PRTG: variants seen among roughly 807,000 people sequenced by gnomAD.
PRTG encodes the protein immunoglobulin superfamily, DCC subclass, member 5.
A neutral mutation model predicts 122.5 loss-of-function variants in PRTG; 67 were observed. That is an observed-to-expected ratio of 0.55 (90% CI 0.45 to 0.67). The LOEUF (loss-of-function observed/expected upper bound fraction) is 0.67. PRTG is among the 30% of genes least tolerant of loss of function. The pLI, the probability that PRTG is intolerant of heterozygous loss-of-function variation, is 0.00. For synonymous variants in PRTG, 554 were observed against 501.1 expected, an observed-to-expected ratio of 1.11 and a Z score of -1.41; for missense variants, 1,435 against 1,415.4, an observed-to-expected ratio of 1.01 and a Z score of -0.22.
At chr15:55,696,658 G>C (rs544960079) in intron 2 of PRTG, among the ~76,000 whole-genome samples, 1 of 152,276 alleles carries the variant, frequency 6.6e-6, no homozygotes, top group South Asian at 2.1e-4. Context: ...AAAATCATCT[G>C]CTTAATAAAA....
chr15:55,711,421 A>G (rs1424988890), intron 2 of PRTG, among the ~76,000 whole-genome samples: 1 of 152,084 alleles, frequency 6.6e-6, no homozygotes, highest in Non-Finnish European at 1.5e-5. Flanking sequence ...AAACCAATGT[A>G]ATTTTGCAGT....
rs374791424 is a variant in PRTG, at chr15:55,645,433, CAAA to C, written c.2042-4228_2042-4226del. Among the ~76,000 whole-genome samples the C allele has an allele frequency of 6.3e-4, 12 of 18,946 alleles. 1 individual carries two copies. Among genetic ancestry groups the C allele is most frequent in the Non-Finnish European group, 1.6e-3 (11 of 6,930 alleles). 12.4% of individuals were successfully genotyped at this position (18,946 alleles called of 152,430 possible). ...TGGGCGACAGAGCGAAACTCCGTCT[CAAA>C]AAAAAAAAAAAAAAGAGTGGAAGGA... On this transcript the variant is annotated intron_variant, in intron 11 of 19. Coordinates refer to ENST00000389286, the MANE Select transcript of PRTG (RefSeq NM_173814.6).
chr15:55,741,115 G>A (rs1223244796), intron 1 of PRTG, among the ~76,000 whole-genome samples: 1 of 152,192 alleles, frequency 6.6e-6, no homozygotes, highest in Non-Finnish European at 1.5e-5. Context: ...TTATTTCCTT[G>A]TCCCTTGAAG....
intron 2 of PRTG, among the ~76,000 whole-genome samples, chr15:55,715,877 A>G (rs534450689): frequency 6.6e-6 from 1 of 152,348 alleles, no homozygotes; most frequent in African/African-American, 2.4e-5. Flanking sequence ...ACATTTGGAT[A>G]AACAATCCAT....
intron 2 of PRTG, among the ~76,000 whole-genome samples, chr15:55,694,034 A>T (rs915358500): frequency 6.6e-6 from 1 of 152,238 alleles, no homozygotes; most frequent in Non-Finnish European, 1.5e-5. Context: ...ATAAAGGTAT[A>T]TAAACTACAG....
At chr15:55,699,568 T>C (rs946748542) in intron 2 of PRTG, among the ~76,000 whole-genome samples, 1 of 152,230 alleles carries the variant, frequency 6.6e-6, no homozygotes, top group Non-Finnish European at 1.5e-5. Flanking sequence ...AATTCTCTTA[T>C]ATTATTTTCA....
Position 55,615,843 on chromosome 15 carries a change from AATG to A in PRTG, c.*4166_*4168del, listed in dbSNP as rs1209026580. On this transcript the variant is annotated 3_prime_UTR_variant, in exon 20 of 20. Coordinates refer to ENST00000389286, the MANE Select transcript of PRTG (RefSeq NM_173814.6). ...CTGGGTATTCTTGCATTAAAAAATA[AATG>A]ATATTTTCAATTCCAAATTCTTGTG... 2 of 152,126 alleles carry A rather than the reference AATG, an allele frequency of 1.3e-5. No homozygotes were observed. The highest frequency in any genetic ancestry group is 4.8e-5 in the African/African-American group (2 of 41,450). The allele number at this position is 152,126 out of a possible 1,614,324, so 9.4% of individuals were successfully genotyped here.
At chr15:55,648,870 G>A (rs1161815864) in intron 11 of PRTG, among the ~76,000 whole-genome samples, 2 of 151,844 alleles carry the variant, frequency 1.3e-5, no homozygotes, top group Non-Finnish European at 2.9e-5. Flanking sequence ...AGGCCAAGGC[G>A]GGCGGATTAT....
chr15:55,626,044 C>T (rs950527031), intron 17 of PRTG, among the ~76,000 whole-genome samples: 1 of 152,178 alleles, frequency 6.6e-6, no homozygotes, highest in African/African-American at 2.4e-5. Flanking sequence ...TGTGATACCA[C>T]CATGCCTGCA....
intron 15 of PRTG, among the ~76,000 whole-genome samples, chr15:55,635,112 G>A (rs985316115): frequency 1.4e-5 from 1 of 69,198 alleles, no homozygotes; most frequent in Non-Finnish European, 3.7e-5. Flanking sequence ...TGTTTTTTGA[G>A]ACAGAGTCTC....
chr15:55,674,852 T>C (rs961830826), intron 9 of PRTG, among the ~76,000 whole-genome samples: 2 of 152,146 alleles, frequency 1.3e-5, no homozygotes, highest in African/African-American at 2.4e-5. Context: ...AAAGGTCTTC[T>C]AGAGACTCTG....
At chr15:55,652,832 G>C (rs916830009) in intron 11 of PRTG, among the ~76,000 whole-genome samples, 1 of 152,086 alleles carries the variant, frequency 6.6e-6, no homozygotes, top group East Asian at 1.9e-4. Context: ...ACCGAGATGA[G>C]GGGAGCAGAT....
chr15:55,623,485 C>T (rs1372387918), intron 18 of PRTG, among the ~76,000 whole-genome samples: 3 of 152,000 alleles, frequency 2.0e-5, no homozygotes, highest in Admixed American at 6.6e-5. Flanking sequence ...GAGAATCGCT[C>T]GAACCGGGAG....
At chr15:55,717,379 C>G (rs2030638412) in intron 2 of PRTG, among the ~76,000 whole-genome samples, 1 of 152,166 alleles carries the variant, frequency 6.6e-6, no homozygotes, top group Non-Finnish European at 1.5e-5. Context: ...AAGGCTTTCT[C>G]TTGATGATTT....
intron 13 of PRTG, 109 bp from the exon 14 acceptor site, chr15:55,638,785 C>T: frequency 1.1e-6 from 1 of 872,016 alleles, no homozygotes; most frequent in Non-Finnish European, 1.7e-6. Flanking sequence ...TTCATTACCT[C>T]CTTATTTTAT....
chr15:55,685,184 T>C (rs1033584133), intron 2 of PRTG, among the ~76,000 whole-genome samples: 3 of 152,144 alleles, frequency 2.0e-5, no homozygotes, highest in African/African-American at 4.8e-5. Context: ...ATAGAGGTAA[T>C]AGGGCTACAT....
intron 15 of PRTG, among the ~76,000 whole-genome samples, 155 bp downstream of exon 15, chr15:55,637,015 T>C (rs1567077648): frequency 6.6e-6 from 1 of 152,236 alleles, no homozygotes; most frequent in African/African-American, 2.4e-5. Context: ...AATTGGTGGA[T>C]GGCTTCCCGA....
At chr15:55,701,458 C>T (rs1446766706) in intron 2 of PRTG, among the ~76,000 whole-genome samples, 5 of 151,972 alleles carry the variant, frequency 3.3e-5, no homozygotes, top group African/African-American at 4.8e-5. Flanking sequence ...TGCTTGAACC[C>T]GGGAGGCAGA....
chr15:55,689,394 T>G (rs1043074987), intron 2 of PRTG, among the ~76,000 whole-genome samples: 1 of 152,150 alleles, frequency 6.6e-6, no homozygotes, highest in Admixed American at 6.6e-5. Context: ...AAAAAAATCT[T>G]CCTTTATGCC....
Sources: gnomAD v4.1 joint callset for allele counts (sites outside exome capture counted in the v4.1 genomes callset) on GRCh38, gnomAD v4.1.1 for gene constraint, MANE v1.5 for transcripts, NCBI Gene and HGNC (gene_info 2026-07-23, HGNC 2026-07-21) for gene names.